Variants in VWA5B1 observed in about 807,000 individuals in gnomAD.
The protein encoded by VWA5B1 is von Willebrand factor A domain-containing protein 5B1.
In VWA5B1, 115 loss-of-function variants were observed where a neutral mutation model predicts 118.2. The observed-to-expected ratio is 0.97, with a 90% CI of 0.84 to 1.14. The LOEUF (loss-of-function observed/expected upper bound fraction) is 1.14, where lower values mean the gene tolerates loss of function less well. Ranked by LOEUF, VWA5B1 falls within the 50% of genes most tolerant of loss-of-function variation. The pLI is 0.00. For synonymous variants in VWA5B1, 682 were observed against 658.4 expected (o/e 1.04, Z -0.55); for missense variants, 1,596 against 1,603.8 (o/e 1.00, Z 0.08).
rs114119644 is a variant in VWA5B1 at position 20,358,479 on chromosome 1, A to G, written c.*4216A>G. 0.011 allele frequency among the ~76,000 whole-genome samples: 1,721 copies of G among 152,052 alleles called. 34 individuals are homozygous for G. Among genetic ancestry groups the G allele is most frequent in the African/African-American group, 0.039 (1,631 of 41,448 alleles). On this transcript the variant is annotated 3_prime_UTR_variant, in exon 22 of 22. Transcript: ENST00000289815. ...GAAAGGGGGTCTCCCCTATCTGTGTACAGTCTGCCCCCCCACCCTGCAATT... is the reference window on the plus strand; with the variant it reads ...GAAAGGGGGTCTCCCCTATCTGTGTGCAGTCTGCCCCCCCACCCTGCAATT...
Position 20,330,386 on chromosome 1 carries a change from G to A in VWA5B1, c.1457+4G>A, listed in dbSNP as rs1031653010. On this transcript the variant is annotated splice_donor_region_variant and intron_variant, in intron 10 of 21. Coordinates refer to ENST00000289815, the MANE Select transcript of VWA5B1 (RefSeq NM_001039500.3). Reference sequence around the variant, plus strand: ...GAAATCACGCCTTCTCCACCAGGTCGGCCTTGGCTGAGGGTCTAGGCTCGG... The same window carrying A: ...GAAATCACGCCTTCTCCACCAGGTCAGCCTTGGCTGAGGGTCTAGGCTCGG... The A allele has an allele frequency of 4.4e-5, 69 of 1,551,510 alleles. 1 individual carries two copies. The East Asian group carries it at 6.1e-4, about 14-fold the overall frequency.
chr1:20,349,191 A>G (rs2090071891), intron 18 of VWA5B1: 1 of 448,530 alleles, frequency 2.2e-6, no homozygotes, highest in Non-Finnish European at 4.5e-6. Flanking sequence ...GGAGCTCTTC[A>G]GAATCAAAGT....
chr1:20,352,656 A>C (rs2090152793), intron 21 of VWA5B1, among the ~76,000 whole-genome samples: 1 of 152,128 alleles, frequency 6.6e-6, no homozygotes, highest in African/African-American at 2.4e-5. Flanking sequence ...GGCTTCTCTG[A>C]ATTAAGGAGC....
At position 20,356,252 on chromosome 1, in the gene VWA5B1, T is replaced by A. The variant is rs182843729; in HGVS notation, c.*1989T>A. 2.1e-3 allele frequency among the ~76,000 whole-genome samples: 326 copies of A among 152,266 alleles called. 2 individuals carry two copies. The highest frequency in any genetic ancestry group is 7.6e-3 in the African/African-American group (316 of 41,544). On this transcript the variant is annotated 3_prime_UTR_variant, in exon 22 of 22. Transcript: ENST00000289815. ...TTGAGTCAGAACACCCAGACTCAGG[T>A]CTCAGCCTAGTACTAGTTTGGGCAA...
rs984351951 is a variant in VWA5B1 at position 20,330,381 on chromosome 1, A to G, written c.1456A>G (p.Arg486Gly). ...ELVRNHAFST[R>G]CYSFGIGPNV... ...GGTGCGAAATCACGCCTTCTCCACC[A>G]GGTCGGCCTTGGCTGAGGGTCTAGG... Residue 486 changes from arginine (R) to glycine (G), a missense_variant and splice_region_variant, in exon 10 of 22, where the codon AGG becomes GGG. Transcript: ENST00000289815. 1.9e-6 allele frequency: 3 copies of G among 1,551,460 alleles called. No homozygotes were observed. Among genetic ancestry groups the G allele is most frequent in the Non-Finnish European group, 1.7e-6 (2 of 1,146,966 alleles).
chr1:20,349,761 G>C (rs2090087530), intron 18 of VWA5B1, among the ~76,000 whole-genome samples: 1 of 146,090 alleles, frequency 6.8e-6, no homozygotes, highest in Admixed American at 6.9e-5. Context: ...TTTGAGACAG[G>C]GCCCGTAGTC....
chr1:20,350,743 A>G, intron 19 of VWA5B1, 114 bp from the exon 20 acceptor site: 1 of 973,764 alleles, frequency 1.0e-6, no homozygotes, highest in Non-Finnish European at 1.6e-6. Context: ...TCGAGTCCCT[A>G]GGAACTTAGC....
In VWA5B1 at chr1:20,353,822, C is replaced by A; in HGVS notation, c.3207C>A (p.Ile1069=). ...AAGCCTTCTGTGAGGCCACGCACAT[C>A]CCCATGGAGAAGCTCAAGTGGACGT... is the stretch of plus-strand genomic sequence containing the variant. The part of the protein sequence containing the change: ...LNEAFCEATH[I]PMEKLKWTSP... The change falls in exon 22 of 22, where the codon ATC becomes ATA. Residue 1069 remains isoleucine, a synonymous_variant. Coordinates refer to ENST00000289815, the MANE Select transcript of VWA5B1 (RefSeq NM_001039500.3). 2 of 1,511,280 alleles carry A rather than the reference C, an allele frequency of 1.3e-6. No individual in the cohort carries two copies. Among genetic ancestry groups the A allele is most frequent in the East Asian group, 2.5e-5 (1 of 40,682 alleles). 93.6% of individuals were successfully genotyped at this position (1,511,280 alleles called of 1,614,324 possible).
rs552027358 is a variant in VWA5B1, at chr1:20,297,350, C to T, written c.-27+6262C>T. ...CCTTGGGGGCACATTCCTCCATGATCGCTGTGGCAGAGAACATGACATGGG... is the reference window on the plus strand; with the variant it reads ...CCTTGGGGGCACATTCCTCCATGATTGCTGTGGCAGAGAACATGACATGGG... On this transcript the variant is annotated intron_variant, in intron 1 of 21. Coordinates refer to ENST00000289815, the MANE Select transcript of VWA5B1 (RefSeq NM_001039500.3). 3.3e-5 allele frequency among the ~76,000 whole-genome samples: 5 copies of T among 152,340 alleles called. No individual in the cohort carries two copies. The South Asian group carries it at 6.2e-4, about 19-fold the overall frequency.
chr1:20,342,862 C>G (rs1306896239), intron 15 of VWA5B1, among the ~76,000 whole-genome samples: 2 of 152,214 alleles, frequency 1.3e-5, no homozygotes, highest in Admixed American at 6.5e-5. Context: ...CCCTCAGGCA[C>G]TGGCTTCCTG....
intron 2 of VWA5B1, among the ~76,000 whole-genome samples, chr1:20,312,622 C>A (rs1462216009): frequency 1.3e-5 from 2 of 152,202 alleles, no homozygotes; most frequent in Admixed American, 1.3e-4. Flanking sequence ...GGCTCACACA[C>A]CTGCAAAATA....
chr1:20,338,022 C>T (rs1246804149), intron 14 of VWA5B1, 186 bp downstream of exon 14: 2 of 762,690 alleles, frequency 2.6e-6, no homozygotes, highest in East Asian at 5.4e-5. Context: ...TCAGGACACC[C>T]ACCGGTCAAT....
At chr1:20,330,762 G>A in intron 10 of VWA5B1, 107 bp from the exon 11 acceptor site, 1 of 1,142,920 alleles carries the variant, frequency 8.7e-7, no homozygotes, top group Middle Eastern at 2.1e-4. Flanking sequence ...CTGAATATAG[G>A]GCCAGCTCCA....
chr1:20,321,140 T>TGCAA (rs1407649726), intron 7 of VWA5B1, among the ~76,000 whole-genome samples: 2 of 128,784 alleles, frequency 1.6e-5, no homozygotes, highest in African/African-American at 6.1e-5. Context: ...CACGAAAAGA[T>TGCAA]GCACACACAG....
At chr1:20,351,914 C>T (rs2090137856) in intron 20 of VWA5B1, 141 bp from the exon 21 acceptor site, 1 of 613,602 alleles carries the variant, frequency 1.6e-6, no homozygotes, top group Middle Eastern at 2.6e-4. Flanking sequence ...CCCATGTTTC[C>T]AGGCTTCTGC....
In VWA5B1 at chr1:20,337,272, C is replaced by T. The variant is rs113080797; in HGVS notation, c.1943-374C>T. 3.2e-4 allele frequency among the ~76,000 whole-genome samples: 48 copies of T among 152,142 alleles called. 1 individual carries two copies. Among genetic ancestry groups the T allele is most frequent in the African/African-American group, 1.1e-3 (45 of 41,496 alleles). On this transcript the variant is annotated intron_variant, in intron 13 of 21. Coordinates refer to ENST00000289815, the MANE Select transcript of VWA5B1 (RefSeq NM_001039500.3). Reference sequence around the variant, plus strand: ...CCTCCCGAATAGCTGGGACTACAGGCGCATACCACCATGCCTGGCTAATTT... The same window carrying T: ...CCTCCCGAATAGCTGGGACTACAGGTGCATACCACCATGCCTGGCTAATTT...
chr1:20,314,879 T>C (rs1044129979), intron 4 of VWA5B1, among the ~76,000 whole-genome samples: 9 of 151,732 alleles, frequency 5.9e-5, no homozygotes, highest in African/African-American at 2.2e-4. Context: ...ACTCAAGAGG[T>C]ACTTTCTGAG....
At position 20,334,149 on chromosome 1, in the gene VWA5B1, T is replaced by C. The variant is rs1243248526; in HGVS notation, c.1758+1198T>C. ...GTGTGTCTCATTTTTCAGGAGAAAT[T>C]GGAACTTTATGTGAAAGCTCCAGAT... On this transcript the variant is annotated intron_variant, in intron 12 of 21. Coordinates refer to ENST00000289815, the MANE Select transcript of VWA5B1 (RefSeq NM_001039500.3). Among the ~76,000 whole-genome samples, 4 of 152,340 alleles carry C rather than the reference T, an allele frequency of 2.6e-5. No individual in the cohort carries two copies. The East Asian group carries it at 7.7e-4, about 29-fold the overall frequency.
chr1:20,341,286 A>G (rs564773890), intron 14 of VWA5B1, among the ~76,000 whole-genome samples: 2 of 152,330 alleles, frequency 1.3e-5, no homozygotes, highest in Admixed American at 1.3e-4. Context: ...GCACATCGAT[A>G]TTTGCACTCT....
Sources: allele counts gnomAD v4.1 joint callset (sites outside exome capture counted in the v4.1 genomes callset), GRCh38; gene constraint gnomAD v4.1.1; transcripts MANE v1.5; gene names NCBI Gene and HGNC (gene_info 2026-07-23, HGNC 2026-07-21).